Variants in RYR3 observed in about 807,000 individuals in gnomAD.
RYR3 encodes brain ryanodine receptor-calcium release channel.
RYR3 carries 207 observed loss-of-function variants against 584.3 expected under a neutral mutation model. The ratio of observed to expected loss-of-function variants is 0.35; its 90% CI spans 0.32 to 0.40. RYR3 has a LOEUF of 0.40. Ranked by LOEUF, RYR3 falls within the 10% of genes least tolerant of loss-of-function variation. The probability of loss-of-function intolerance (pLI) is 1.00; values close to 1 mark genes in which losing one functional copy is unlikely to be tolerated. For synonymous variants in RYR3, 2,416 were observed against 2,248.5 expected, an observed-to-expected ratio of 1.07 and a Z score of -2.11; for missense variants, 5,616 against 6,089.2, an observed-to-expected ratio of 0.92 and a Z score of 2.59.
chr15:33,374,246 T>C lies in RYR3; in HGVS notation c.51+63150T>C, dbSNP rs528397654. Among the ~76,000 whole-genome samples the C allele has an allele frequency of 2.6e-4, 40 of 152,330 alleles. No individual in the cohort carries two copies. The East Asian group carries it at 7.7e-3, about 29-fold the overall frequency. The stretch of plus-strand genomic sequence containing the variant: ...TAATGGAGTATCAACTGTGCCTGCC[T>C]CCTCAGGTTGACTGAGATGCGACTG... On this transcript the variant is annotated intron_variant, in intron 1 of 103. Transcript: ENST00000634891.
intron 1 of RYR3, among the ~76,000 whole-genome samples, chr15:33,347,660 G>T (rs567011328): frequency 8.0e-4 from 121 of 152,146 alleles, no homozygotes; most frequent in Middle Eastern, 3.4e-3. Context: ...TGTTATCCAG[G>T]ATGGTCTTGA....
intron 1 of RYR3, among the ~76,000 whole-genome samples, chr15:33,372,008 T>C (rs1296646696): frequency 6.6e-6 from 1 of 152,230 alleles, no homozygotes; most frequent in Non-Finnish European, 1.5e-5. Context: ...CAAGTAGGCA[T>C]TTGCCTTCAT....
At chr15:33,730,028 G>A (rs542235561) in intron 47 of RYR3, among the ~76,000 whole-genome samples, 37 of 151,854 alleles carry the variant, frequency 2.4e-4, no homozygotes, top group African/African-American at 8.2e-4. Context: ...TAGGGTATAC[G>A]ATCCCTAATA....
intron 17 of RYR3, among the ~76,000 whole-genome samples, chr15:33,602,799 G>A (rs1037919010): frequency 7.2e-6 from 1 of 138,078 alleles, no homozygotes; most frequent in Non-Finnish European, 1.5e-5. Flanking sequence ...AGGCTGGAGT[G>A]CGGTGGCATA....
intron 1 of RYR3, among the ~76,000 whole-genome samples, chr15:33,445,703 A>ACACG (rs1467207245): frequency 1.3e-5 from 2 of 149,796 alleles, no homozygotes; most frequent in Non-Finnish European, 3.0e-5. Flanking sequence ...ACACACACAC[A>ACACG]CACACACACA....
At chr15:33,735,795 G>A (rs2069405811) in intron 48 of RYR3, among the ~76,000 whole-genome samples, 1 of 152,158 alleles carries the variant, frequency 6.6e-6, no homozygotes, top group Non-Finnish European at 1.5e-5. Flanking sequence ...ATAAGGCGGA[G>A]GGCTTTAAAG....
In RYR3 at chr15:33,816,945, T is replaced by A. The variant is rs1320172282; in HGVS notation, c.10586T>A (p.Val3529Glu). 1 of 1,606,202 alleles carries A rather than the reference T, an allele frequency of 6.2e-7. No homozygotes were observed. Among genetic ancestry groups the A allele is most frequent in the Non-Finnish European group, 8.5e-7 (1 of 1,174,578 alleles). Residue 3529 changes from valine (V) to glutamate (E), a missense_variant, in exon 75 of 104, where the codon GTA (valine) becomes GAA (glutamate). This residue lies in a region of RYR3 where 954 missense variants were observed against 1,132.2 expected (regional missense o/e 0.84). Transcript: ENST00000634891. ...GAGTATTCCTTTGAAGAGAAACTAG[T>A]ACAGGATTTGGCTGTAAGTACTGAC... ...TEEYSFEEKL[V>E]QDLAKSPKVE...
At chr15:33,477,578 A>AAAAAG (rs1404141949) in intron 2 of RYR3, among the ~76,000 whole-genome samples, 3 of 149,278 alleles carry the variant, frequency 2.0e-5, no homozygotes, top group African/African-American at 7.4e-5. Context: ...GTTTTGTTAA[A>AAAAAG]AAAAAAAAAA....
At position 33,660,209 on chromosome 15, in the gene RYR3, CT is replaced by C; in HGVS notation, c.4409del (p.Leu1470ArgfsTer39). The C allele has an allele frequency of 1.9e-6, 3 of 1,551,892 alleles. No homozygotes were observed. The highest frequency in any genetic ancestry group is 2.6e-6 in the Non-Finnish European group (3 of 1,147,006). On this transcript the variant is annotated frameshift_variant, in exon 34 of 104. Coordinates refer to ENST00000634891, the MANE Select transcript of RYR3 (RefSeq NM_001036.6). LOFTEE classifies it high-confidence loss of function. ...ELGKLKNAMPLSAAIFRSEEK... is the reference protein window; with the variant it reads ...ELGKLKNAMPXSAAIFRSEEK... ...CCACGTGCCCCAGAACGCAATGCCC[CT>C]GTCAGCGGCCATATTCAGGAGTGAA...
At chr15:33,643,827 C>T (rs949411473) in intron 27 of RYR3, among the ~76,000 whole-genome samples, 2 of 152,052 alleles carry the variant, frequency 1.3e-5, no homozygotes, top group African/African-American at 4.8e-5. Flanking sequence ...TGCTACAGTG[C>T]AGCAAGATAA....
intron 69 of RYR3, among the ~76,000 whole-genome samples, chr15:33,805,847 GTCTC>G (rs751191262): frequency 1.3e-5 from 2 of 151,536 alleles, no homozygotes; most frequent in East Asian, 1.9e-4. Context: ...TGCATACTCT[GTCTC>G]TCTCTCTCAT....
chr15:33,836,271 G>C (rs141978042), intron 87 of RYR3, among the ~76,000 whole-genome samples: 2 of 151,348 alleles, frequency 1.3e-5, no homozygotes, highest in Non-Finnish European at 2.9e-5. Context: ...GCCCACCTCA[G>C]ATCTTCCAAG....
intron 65 of RYR3, among the ~76,000 whole-genome samples, chr15:33,781,879 C>CT (rs1471080760): frequency 4.0e-5 from 6 of 150,302 alleles, no homozygotes; most frequent in African/African-American, 7.3e-5. Context: ...GATTTCCAAC[C>CT]TTTTTTTTAC....
At position 33,785,966 on chromosome 15, in the gene RYR3, G is replaced by T. The variant is rs1310514226; in HGVS notation, c.9573G>T (p.Trp3191Cys). 1.3e-6 allele frequency: 2 copies of T among 1,586,774 alleles called. No homozygotes were observed. Among genetic ancestry groups the T allele is most frequent in the Non-Finnish European group, 1.7e-6 (2 of 1,164,074 alleles). ...NNNLGIDEASWMKRIAVYAQP... is the reference protein window; with the variant it reads ...NNNLGIDEASCMKRIAVYAQP... ...ACCTGGGCATCGATGAGGCCTCCTG[G>T]ATGAAGCGCATTGCAGGTACCGACC... The change falls in exon 66 of 104, where the codon TGG (tryptophan) becomes TGT (cysteine). Residue 3191 changes from tryptophan (W) to cysteine (C), a missense_variant. Physicochemically the swap from Trp to Cys is radical, Grantham distance 215 (BLOSUM62 -2). Around this residue, in one of 9 missense-constraint regions of RYR3, gnomAD observed 954 missense variants for 1,132.2 expected, o/e 0.84. Coordinates refer to ENST00000634891, the MANE Select transcript of RYR3 (RefSeq NM_001036.6).
At chr15:33,742,489 G>A (rs1308052385) in intron 52 of RYR3, 45 bp downstream of exon 52, 2 of 1,311,234 alleles carry the variant, frequency 1.5e-6, no homozygotes, top group African/African-American at 2.9e-5. Context: ...AGGAAAAACA[G>A]CCCAAGAACA....
chr15:33,615,626 A>G (rs1035908602), intron 19 of RYR3, among the ~76,000 whole-genome samples: 5 of 152,216 alleles, frequency 3.3e-5, no homozygotes, highest in African/African-American at 1.2e-4. Flanking sequence ...TTCTCATCAC[A>G]TATTCAAGCC....
intron 89 of RYR3, among the ~76,000 whole-genome samples, chr15:33,839,197 C>T (rs2078216836): frequency 1.3e-5 from 2 of 152,246 alleles, no homozygotes; most frequent in South Asian, 4.2e-4. Context: ...TTGTAGAATT[C>T]AAACATGATG....
intron 32 of RYR3, among the ~76,000 whole-genome samples, chr15:33,658,721 T>TGAA (rs2152700095): frequency 6.6e-6 from 1 of 152,358 alleles, no homozygotes; most frequent in South Asian, 2.1e-4. Flanking sequence ...GAAAACACTT[T>TGAA]AGTAATATGG....
At chr15:33,820,837 T>C (rs1173587441) in intron 78 of RYR3, 25 bp downstream of exon 78, 3 of 1,455,726 alleles carry the variant, frequency 2.1e-6, no homozygotes, top group Non-Finnish European at 2.7e-6. Flanking sequence ...AGAATAAAAA[T>C]AGAGCCACCC....
Sources: gnomAD v4.1 joint callset for allele counts (sites outside exome capture counted in the v4.1 genomes callset) on GRCh38, gnomAD v4.1.1 for gene constraint, gnomAD v4.1.1 regional missense constraint, MANE v1.5 for transcripts, NCBI Gene and HGNC (gene_info 2026-07-23, HGNC 2026-07-21) for gene names.